Variants in OXNAD1 observed in about 807,000 individuals in gnomAD.
OXNAD1 encodes oxidoreductase NAD binding domain containing 1.
A neutral mutation model predicts 32.9 loss-of-function variants in OXNAD1; 34 were observed. The observed-to-expected ratio is 1.03, with a 90% CI of 0.79 to 1.38. The LOEUF (loss-of-function observed/expected upper bound fraction) is 1.38, where lower values mean the gene tolerates loss of function less well. Ranked by LOEUF, OXNAD1 falls within the 40% of genes most tolerant of loss-of-function variation. OXNAD1 has a pLI of 0.00. For synonymous variants in OXNAD1, 134 were observed against 135.2 expected (o/e 0.99, Z 0.06); for missense variants, 407 against 379.4 (o/e 1.07, Z -0.60).
At chr3:16,270,456 A>G (rs574508373) in intron 2 of OXNAD1, among the ~76,000 whole-genome samples, 4 of 152,158 alleles carry the variant, frequency 2.6e-5, no homozygotes, top group African/African-American at 9.7e-5. Flanking sequence ...AGTTTGGGCT[A>G]TTAGGAATAG....
At chr3:16,333,426 G>A (rs1242448325) in intron 9 of OXNAD1, among the ~76,000 whole-genome samples, 1 of 152,188 alleles carries the variant, frequency 6.6e-6, no homozygotes, top group Non-Finnish European at 1.5e-5. Context: ...TTAGTAAGCA[G>A]ATGAATTTGC....
downstream of OXNAD1, among the ~76,000 whole-genome samples, chr3:16,308,802 C>A (rs139149404): frequency 2.7e-3 from 416 of 152,286 alleles, no homozygotes; most frequent in Admixed American, 4.9e-3. This position sits in a 1 kb window ranked among gnomAD's most constrained non-coding sequence, Gnocchi z 4.4. Flanking sequence ...TGCAGGAGCT[C>A]ATCAGCCTAA....
At position 16,312,948 on chromosome 3, in the gene OXNAD1, TTC is replaced by T. The variant is rs754560869; in HGVS notation, c.*30+9358_*30+9359del. On this transcript the variant is annotated intron_variant, in intron 9 of 9. Transcript: ENST00000435829. The surrounding 1 kb of genome is among the most constrained non-coding windows in gnomAD (Gnocchi z 4.7). Reference sequence around the variant, plus strand: ...GACTTTATAAATATTATTACAGTATTTCTGTTAAGATGGGATATACTACGCTT... The same window carrying T: ...GACTTTATAAATATTATTACAGTATTTGTTAAGATGGGATATACTACGCTT... Among the ~76,000 whole-genome samples, 1 of 152,172 alleles carries T rather than the reference TTC, an allele frequency of 6.6e-6. No homozygotes were observed. The highest frequency in any genetic ancestry group is 1.5e-5 in the Non-Finnish European group (1 of 68,034).
chr3:16,280,476 T>C lies in OXNAD1; in HGVS notation c.184-5866T>C, dbSNP rs533586675. Among the ~76,000 whole-genome samples the C allele has an allele frequency of 2.0e-5, 3 of 152,224 alleles. No individual in the cohort carries two copies. The highest frequency in any genetic ancestry group is 4.4e-5 in the Non-Finnish European group (3 of 68,020). On this transcript the variant is annotated intron_variant, in intron 4 of 8. Coordinates refer to ENST00000285083, the MANE Select transcript of OXNAD1 (RefSeq NM_138381.5). The surrounding 1 kb of genome is among the most constrained non-coding windows in gnomAD (Gnocchi z 4.5). Reference sequence around the variant, plus strand: ...CTGCTTCTAGTCAGATTCCTACACATCAGATTGATACTCTGCTACCATTTA... The same window carrying C: ...CTGCTTCTAGTCAGATTCCTACACACCAGATTGATACTCTGCTACCATTTA...
chr3:16,346,061 C>T lies in OXNAD1; in HGVS notation c.*31-3115C>T, dbSNP rs1018930648. The T allele has an allele frequency of 6.6e-6, 1 of 152,114 alleles. No individual in the cohort carries two copies. The highest frequency in any genetic ancestry group is 2.4e-5 in the African/African-American group (1 of 41,414). 9.4% of individuals were successfully genotyped at this position (152,114 alleles called of 1,614,324 possible). Reference sequence around the variant, plus strand: ...ATCTTCACCAGAACGGCATACTTGCCTCTCCCCTCGTCAGATTGAAAAGGT... The same window carrying T: ...ATCTTCACCAGAACGGCATACTTGCTTCTCCCCTCGTCAGATTGAAAAGGT... On this transcript the variant is annotated intron_variant, in intron 9 of 9. Transcript: ENST00000606098. The surrounding 1 kb of genome is among the most constrained non-coding windows in gnomAD (Gnocchi z 4.4).
chr3:16,340,741 A>G (rs1193611878), downstream of OXNAD1, among the ~76,000 whole-genome samples: 1 of 152,184 alleles, frequency 6.6e-6, no homozygotes. Flanking sequence ...CCTACCCCTC[A>G]CCTTCTTGTC....
Position 16,316,655 on chromosome 3 carries a change from A to G in OXNAD1, c.*30+13063A>G, listed in dbSNP as rs1465054954. 2 of 728,634 alleles carry G rather than the reference A, an allele frequency of 2.7e-6. No individual in the cohort carries two copies. The highest frequency in any genetic ancestry group is 4.9e-5 in the East Asian group (2 of 40,656). 45.1% of individuals were successfully genotyped at this position (728,634 alleles called of 1,614,324 possible). A position where few individuals can be genotyped will look rare whatever the true frequency, so the allele number is the denominator to read the frequency against. On this transcript the variant is annotated intron_variant, in intron 9 of 9. Transcript: ENST00000435829. The surrounding 1 kb of genome is among the most constrained non-coding windows in gnomAD (Gnocchi z 4.5). ...CTTTCCAGTGGATGTGCAAAAACCA[A>G]CACTGTCAGGAACCTGGCCCTGGGA...
chr3:16,266,624 A>G (rs906959216), intron 1 of OXNAD1, among the ~76,000 whole-genome samples: 3 of 151,178 alleles, frequency 2.0e-5, no homozygotes, highest in East Asian at 3.9e-4. Flanking sequence ...AAAAAAAAAA[A>G]AAGAAGTAGG....
chr3:16,298,044 G>A lies in OXNAD1; in HGVS notation c.432+3047G>A, dbSNP rs1284334237. On this transcript the variant is annotated intron_variant, in intron 6 of 8. Coordinates refer to ENST00000285083, the MANE Select transcript of OXNAD1 (RefSeq NM_138381.5). This position sits in a 1 kb window ranked among gnomAD's most constrained non-coding sequence, Gnocchi z 5.1. ...TATATTCTTGTGGTTTACACGTCAA[G>A]TTGTGTCTGTCCAGGATAACCCCCA... 6.6e-6 allele frequency among the ~76,000 whole-genome samples: 1 copy of A among 152,192 alleles called. No homozygotes were observed. The highest frequency in any genetic ancestry group is 1.5e-5 in the Non-Finnish European group (1 of 68,020).
In OXNAD1 at chr3:16,326,959, A is replaced by G. The variant is rs766373021; in HGVS notation, c.*31-10153A>G. 1.5e-4 allele frequency: 152 copies of G among 1,024,088 alleles called. 2 individuals carry two copies. The highest frequency in any genetic ancestry group is 2.0e-4 in the Non-Finnish European group (137 of 685,194). 63.4% of individuals were successfully genotyped at this position (1,024,088 alleles called of 1,614,324 possible). A position where few individuals can be genotyped will look rare whatever the true frequency, so the allele number is the denominator to read the frequency against. On this transcript the variant is annotated intron_variant, in intron 9 of 9. Transcript: ENST00000435829. ...TGAGAGGGGACTATTCAGTCTGCCA[A>G]TCCGCAAAACAGAAAAGAAGTGGCG...
At chr3:16,293,750 A>G (rs377119682) in intron 5 of OXNAD1, among the ~76,000 whole-genome samples, 18 of 152,190 alleles carry the variant, frequency 1.2e-4, no homozygotes, top group African/African-American at 4.1e-4. Flanking sequence ...TAGGGGGGAA[A>G]CTTTCAGCAT....
In OXNAD1 at chr3:16,348,252, C is replaced by T. The variant is rs965006521; in HGVS notation, c.*31-924C>T. ...GATGGTAAAAAGGAAGCCGAGGCAT[C>T]TAGATCACTGACATTATCCATAATC... On this transcript the variant is annotated intron_variant, in intron 9 of 9. Coordinates refer to the OXNAD1 transcript ENST00000606098. The surrounding 1 kb of genome is among the most constrained non-coding windows in gnomAD (Gnocchi z 6.3). Among the ~76,000 whole-genome samples, 6 of 152,092 alleles carry T rather than the reference C, an allele frequency of 3.9e-5. No individual in the cohort carries two copies. Among genetic ancestry groups the T allele is most frequent in the Admixed American group, 2.0e-4 (3 of 15,276 alleles).
intron 9 of OXNAD1, among the ~76,000 whole-genome samples, chr3:16,319,503 G>A (rs1435452759): frequency 6.6e-6 from 1 of 152,186 alleles, no homozygotes; most frequent in Non-Finnish European, 1.5e-5. Context: ...TATTGTATTT[G>A]ATGTGAATAG....
Position 16,336,167 on chromosome 3 carries a change from C to T in OXNAD1, c.*31-945C>T, listed in dbSNP as rs372593917. ...GTGGAAGGCAGATGCTGGAACACGG[C>T]GGGCAGTGTTGCAGAAAACTCCACG... On this transcript the variant is annotated intron_variant, in intron 9 of 9. Transcript: ENST00000435829. The surrounding 1 kb of genome is among the most constrained non-coding windows in gnomAD (Gnocchi z 6.0). 6.4e-4 allele frequency among the ~76,000 whole-genome samples: 98 copies of T among 152,316 alleles called. No individual in the cohort carries two copies. The highest frequency in any genetic ancestry group is 1.4e-3 in the Admixed American group (22 of 15,302).
Position 16,317,050 on chromosome 3 carries a change from G to C in OXNAD1, c.*30+13458G>C. 6.2e-7 allele frequency: 1 copy of C among 1,613,584 alleles called. No homozygotes were observed. The highest frequency in any genetic ancestry group is 1.3e-5 in the African/African-American group (1 of 74,840). On this transcript the variant is annotated intron_variant, in intron 9 of 9. Transcript: ENST00000435829. The surrounding 1 kb of genome is among the most constrained non-coding windows in gnomAD (Gnocchi z 4.3). Reference sequence around the variant, plus strand: ...CTTGGACAGGGCCCTTCATCTCCTCGGAGACTCCACCCTCCTGCTGCTGTC... The same window carrying C: ...CTTGGACAGGGCCCTTCATCTCCTCCGAGACTCCACCCTCCTGCTGCTGTC...
chr3:16,341,221 A>G (rs1002205514), downstream of OXNAD1, among the ~76,000 whole-genome samples: 2 of 152,244 alleles, frequency 1.3e-5, no homozygotes, highest in African/African-American at 2.4e-5. This position sits in a 1 kb window ranked among gnomAD's most constrained non-coding sequence, Gnocchi z 4.7. Flanking sequence ...GCAAAATAGT[A>G]CAGCCACTAC....
At chr3:16,313,879 A>AT (rs1233028989) in intron 9 of OXNAD1, among the ~76,000 whole-genome samples, 33 of 152,310 alleles carry the variant, frequency 2.2e-4, no homozygotes, top group African/African-American at 7.9e-4. Context: ...ACTTCAGAGC[A>AT]ATGCACCTGC....
rs1292749790 is a variant in OXNAD1 at position 16,269,241 on chromosome 3, A to G, written c.-43A>G. The G allele has an allele frequency of 3.9e-6, 6 of 1,535,364 alleles. No homozygotes were observed. Among genetic ancestry groups the G allele is most frequent in the Admixed American group, 2.0e-5 (1 of 50,946 alleles). On this transcript the variant is annotated 5_prime_UTR_variant, in exon 2 of 9. It adds an upstream start codon to the 5' untranslated region. Transcript: ENST00000285083. ...TATTCTGTCAATCAGCTGACCATAT[A>G]CTTAATGACTCCTAAAATCTCGTGG...
At chr3:16,341,502 C>G (rs535070180), downstream of OXNAD1, among the ~76,000 whole-genome samples, 11 of 152,242 alleles carry the variant, frequency 7.2e-5, 1 homozygote, top group South Asian at 2.1e-3. The surrounding 1 kb of genome is among the most constrained non-coding windows in gnomAD (Gnocchi z 4.7). Context: ...GATGGAGGAG[C>G]CTTAAATCCA....
Sources: gnomAD v4.1 joint callset for allele counts (sites outside exome capture counted in the v4.1 genomes callset) on GRCh38, gnomAD v4.1.1 for gene constraint, Gnocchi (gnomAD v3.1) non-coding constraint, MANE v1.5 for transcripts, NCBI Gene and HGNC (gene_info 2026-07-23, HGNC 2026-07-21) for gene names.